The following CACNA2D4 variants were observed in gnomAD, a reference collection of about 807,000 sequenced individuals.
CACNA2D4 encodes voltage-dependent calcium channel subunit alpha-2/delta-4.
Under a neutral mutation model 163.8 loss-of-function variants are expected in CACNA2D4, and 157 were observed. That is an observed-to-expected ratio of 0.96 (90% CI 0.84 to 1.09). The LOEUF (loss-of-function observed/expected upper bound fraction) is 1.09, where lower values mean the gene tolerates loss of function less well. Ranked by LOEUF, CACNA2D4 falls within the 50% of genes least tolerant of loss-of-function variation. CACNA2D4 has a pLI of 0.00. For synonymous variants in CACNA2D4, 598 were observed against 586.9 expected (o/e 1.02, Z -0.27); for missense variants, 1,410 against 1,479.9 (o/e 0.95, Z 0.78).
In CACNA2D4 at chr12:1,844,263, G is replaced by T; in HGVS notation, c.2470+139C>A. ...TTAAGTCACTAATGCATGCAGGAGGGAAGGCAGGAGGGGAACCCTGGTGGT... is the reference window on the plus strand; with the variant it reads ...TTAAGTCACTAATGCATGCAGGAGGTAAGGCAGGAGGGGAACCCTGGTGGT... On this transcript the variant is annotated intron_variant, in intron 25 of 37. Coordinates refer to ENST00000382722, the MANE Select transcript of CACNA2D4 (RefSeq NM_172364.5). The surrounding 1 kb of genome is among the most constrained non-coding windows in gnomAD (Gnocchi z 4.2). The T allele has an allele frequency of 1.0e-6, 1 of 999,904 alleles. No homozygotes were observed. Among genetic ancestry groups the T allele is most frequent in the Non-Finnish European group, 1.4e-6 (1 of 694,368 alleles). The allele number at this position is 999,904 out of a possible 1,614,324, so 61.9% of individuals were successfully genotyped here.
chr12:1,848,762 A>AATTATTATTATTATTATTATT (rs146412961), intron 23 of CACNA2D4, among the ~76,000 whole-genome samples: 54 of 147,370 alleles, frequency 3.7e-4, no homozygotes, highest in African/African-American at 1.2e-3. Flanking sequence ...AACCCATTGC[A>AATTATTATTATTATTATTATT]ATTATTATTA....
chr12:1,861,297 T>C (rs541208861), intron 18 of CACNA2D4, among the ~76,000 whole-genome samples: 1 of 152,196 alleles, frequency 6.6e-6, no homozygotes, highest in Admixed American at 6.5e-5. Flanking sequence ...CTCTGGCTCC[T>C]CTGCCCAGTC....
intron 6 of CACNA2D4, among the ~76,000 whole-genome samples, chr12:1,892,973 C>T (rs535045662): frequency 6.6e-6 from 1 of 152,188 alleles, no homozygotes; most frequent in Admixed American, 6.5e-5. Flanking sequence ...GCACCCAACA[C>T]TGGAACACCC....
intron 6 of CACNA2D4, among the ~76,000 whole-genome samples, chr12:1,903,554 GA>G (rs1035858137): frequency 2.2e-4 from 33 of 151,804 alleles, no homozygotes; most frequent in African/African-American, 7.7e-4. Flanking sequence ...TTTTAAATGG[GA>G]AAAAATCTGA....
In CACNA2D4 at chr12:1,908,053, G is replaced by A. The variant is rs758845937; in HGVS notation, c.487-16C>T. On this transcript the variant is annotated splice_polypyrimidine_tract_variant and intron_variant, in intron 4 of 37. Coordinates refer to ENST00000382722, the MANE Select transcript of CACNA2D4 (RefSeq NM_172364.5). ...AATAGTCGAACTGGGGTGGACGGGTGAGGCCCACGGAGGCGGCCCGAGCAC... is the reference window on the plus strand; with the variant it reads ...AATAGTCGAACTGGGGTGGACGGGTAAGGCCCACGGAGGCGGCCCGAGCAC... The A allele has an allele frequency of 3.8e-6, 6 of 1,597,448 alleles. No homozygotes were observed. The highest frequency in any genetic ancestry group is 1.7e-4 in the Middle Eastern group (1 of 6,010).
intron 10 of CACNA2D4, 40 bp from the exon 11 acceptor site, chr12:1,884,921 C>G (rs745819983): frequency 6.2e-7 from 1 of 1,600,426 alleles, no homozygotes; most frequent in Non-Finnish European, 8.6e-7. Context: ...ACAGGCCAAG[C>G]CCACCCCCCT....
intron 6 of CACNA2D4, among the ~76,000 whole-genome samples, chr12:1,888,915 A>T (rs186631890): frequency 1.3e-5 from 2 of 152,234 alleles, no homozygotes; most frequent in African/African-American, 2.4e-5. Context: ...ATATCCACAT[A>T]TAGACACATA....
At chr12:1,827,035 G>T (rs1864361036) in intron 26 of CACNA2D4, among the ~76,000 whole-genome samples, 1 of 152,226 alleles carries the variant, frequency 6.6e-6, no homozygotes, top group African/African-American at 2.4e-5. Flanking sequence ...GGCAACCAAG[G>T]AAGGTCAGAG....
At chr12:1,805,519 T>C (rs1344731889) in intron 29 of CACNA2D4, among the ~76,000 whole-genome samples, 1 of 152,178 alleles carries the variant, frequency 6.6e-6, no homozygotes, top group Non-Finnish European at 1.5e-5. Flanking sequence ...GGGATCAGTT[T>C]CCTTTTGTCT....
chr12:1,812,696 C>T (rs892902537), intron 26 of CACNA2D4, among the ~76,000 whole-genome samples: 3 of 152,206 alleles, frequency 2.0e-5, no homozygotes, highest in Admixed American at 6.5e-5. Context: ...ACATGGCTTG[C>T]CCAAGTCACC....
chr12:1,884,936 C>CAG, intron 10 of CACNA2D4, 51 bp downstream of exon 10: 1 of 1,602,724 alleles, frequency 6.2e-7, no homozygotes, highest in Non-Finnish European at 8.5e-7. Context: ...CCCCCTCCAC[C>CAG]TGCCGCCTTC....
chr12:1,858,075 G>A (rs547020464), intron 20 of CACNA2D4, among the ~76,000 whole-genome samples: 23 of 152,294 alleles, frequency 1.5e-4, no homozygotes, highest in African/African-American at 4.3e-4. Flanking sequence ...TGGGGAGCAC[G>A]GCCTTTCCAA....
intron 26 of CACNA2D4, chr12:1,823,216 T>G (rs1254343256): frequency 6.6e-6 from 1 of 152,516 alleles, no homozygotes; most frequent in African/African-American, 2.4e-5. Flanking sequence ...CTTGGATGCT[T>G]GATGTGGAGG....
chr12:1,897,092 G>T (rs1866427516), intron 6 of CACNA2D4, among the ~76,000 whole-genome samples: 1 of 152,058 alleles, frequency 6.6e-6, no homozygotes, highest in Non-Finnish European at 1.5e-5. Flanking sequence ...CACTTTGGAA[G>T]GCTGAGGCAG....
At chr12:1,805,718 T>A (rs1443596745) in intron 29 of CACNA2D4, among the ~76,000 whole-genome samples, 1 of 152,172 alleles carries the variant, frequency 6.6e-6, no homozygotes, top group Non-Finnish European at 1.5e-5. Context: ...ATTCTATTCC[T>A]GGAGGGCCCA....
Position 1,884,779 on chromosome 12 carries a change from G to T in CACNA2D4, c.1261C>A (p.Pro421Thr). ...YEPVFEKYNW[P>T]DCKVRVFTYL... ...CGTGGGAGGGTCACCTTACAGTCTG[G>T]CCAGTTATACTTCTCAAACACCGGC... Residue 421 changes from proline (P) to threonine (T), a missense_variant, in exon 11 of 38, where the codon CCA becomes ACA. Coordinates refer to ENST00000382722, the MANE Select transcript of CACNA2D4 (RefSeq NM_172364.5). The T allele has an allele frequency of 6.2e-7, 1 of 1,611,912 alleles. No homozygotes were observed. Among genetic ancestry groups the T allele is most frequent in the East Asian group, 2.2e-5 (1 of 44,848 alleles).
chr12:1,882,944 G>A lies in CACNA2D4; in HGVS notation c.1408C>T (p.Leu470=). The change falls in exon 13 of 38, where the codon CTG becomes TTG. Residue 470 remains leucine (L), a synonymous_variant. Coordinates refer to ENST00000382722, the MANE Select transcript of CACNA2D4 (RefSeq NM_172364.5). Reference sequence around the variant, plus strand: ...ACCATGGGGCGGCTGAGCACGTGCAGGTATTCCATCACGTTCTCCTGGGTG... The same window carrying A: ...ACCATGGGGCGGCTGAGCACGTGCAAGTATTCCATCACGTTCTCCTGGGTG... The part of the protein sequence containing the change: ...ADTQENVMEY[L]HVLSRPMVIN... 9 of 1,613,576 alleles carry A rather than the reference G, an allele frequency of 5.6e-6. No homozygotes were observed. The highest frequency in any genetic ancestry group is 7.6e-6 in the Non-Finnish European group (9 of 1,179,762).
In CACNA2D4 at chr12:1,802,651, C is replaced by T. The variant is rs950062568; in HGVS notation, c.2722-1007G>A. ...TTTAAAAATTGGGGATAGCGTGTGT[C>T]CGGCGTGTGGCTCCCAGTAAATACT... is the stretch of plus-strand genomic sequence containing the variant. On this transcript the variant is annotated intron_variant, in intron 29 of 37. Coordinates refer to ENST00000382722, the MANE Select transcript of CACNA2D4 (RefSeq NM_172364.5). This position sits in a 1 kb window ranked among gnomAD's most constrained non-coding sequence, Gnocchi z 4.7. Among the ~76,000 whole-genome samples, 1 of 152,202 alleles carries T rather than the reference C, an allele frequency of 6.6e-6. No homozygotes were observed. The highest frequency in any genetic ancestry group is 1.5e-5 in the Non-Finnish European group (1 of 68,042).
At position 1,810,728 on chromosome 12, in the gene CACNA2D4, C is replaced by T. The variant is rs532532928; in HGVS notation, c.2614-141G>A. On this transcript the variant is annotated intron_variant, in intron 27 of 37. Coordinates refer to ENST00000382722, the MANE Select transcript of CACNA2D4 (RefSeq NM_172364.5). ...GGTGTGTATCTGCACATGGAGGGCA[C>T]CTGTGTGGGGTGTGGGTGTGGGATG... is the stretch of plus-strand genomic sequence containing the variant. The T allele has an allele frequency of 1.3e-4, 109 of 831,860 alleles. No individual in the cohort carries two copies. In the African/African-American group the frequency reaches 1.6e-3, roughly 12 times the overall value. 51.5% of individuals were successfully genotyped at this position (831,860 alleles called of 1,614,324 possible).
Sources: gnomAD v4.1 joint callset for allele counts (sites outside exome capture counted in the v4.1 genomes callset) on GRCh38, gnomAD v4.1.1 for gene constraint, Gnocchi (gnomAD v3.1) non-coding constraint, MANE v1.5 for transcripts, NCBI Gene and HGNC (gene_info 2026-07-23, HGNC 2026-07-21) for gene names.